The following MSN variants were observed in gnomAD, a reference collection of about 807,000 sequenced individuals.
The protein encoded by MSN is moesin.
Under a neutral mutation model 48.0 loss-of-function variants are expected in MSN, and 2 were observed. The ratio of observed to expected loss-of-function variants is 0.04; its 90% confidence interval spans 0.02 to 0.13. MSN has a LOEUF of 0.13. Ranked by LOEUF, MSN falls within the 10% of genes least tolerant of loss-of-function variation. The pLI is 1.00. For missense variants in MSN, 267 were observed against 470.1 expected (o/e 0.57, Z 3.99); for synonymous variants, 146 against 166.9 (o/e 0.87, Z 0.97).
chrX:65,636,379 A>G (rs1017974115), intron 1 of MSN, among the ~76,000 whole-genome samples: 1 of 111,520 alleles, frequency 9.0e-6, no homozygotes, highest in African/African-American at 3.3e-5. Context: ...CCAAACTGAC[A>G]TTCTTTCCTC....
chrX:65,600,045 G>T (rs1254240099), intron 1 of MSN, among the ~76,000 whole-genome samples: 1 of 109,522 alleles, frequency 9.1e-6, no homozygotes, highest in Non-Finnish European at 1.9e-5. Context: ...TGTGGTGGGG[G>T]TGGGTATAGA....
chrX:65,648,841 T>C (rs1432128914), intron 1 of MSN, among the ~76,000 whole-genome samples: 1 of 109,972 alleles, frequency 9.1e-6, no homozygotes, highest in Non-Finnish European at 1.9e-5. Flanking sequence ...CCAGCCTGGG[T>C]GACAGTGTGA....
chrX:65,646,490 G>T (rs111228381), intron 1 of MSN, among the ~76,000 whole-genome samples: 2,718 of 111,562 alleles, frequency 0.024, 93 homozygotes, highest in African/African-American at 0.084. Flanking sequence ...TGTTACAATG[G>T]CTTCCAAACT....
intron 1 of MSN, among the ~76,000 whole-genome samples, chrX:65,598,465 T>C (rs1289339692): frequency 9.1e-6 from 1 of 110,453 alleles, no homozygotes. Context: ...AGAAAAAATA[T>C]GAATGAATAT....
intron 1 of MSN, among the ~76,000 whole-genome samples, chrX:65,659,964 G>C (rs141113179): frequency 9.1e-6 from 1 of 110,155 alleles, no homozygotes; most frequent in Non-Finnish European, 1.9e-5. Context: ...GATCACAGTA[G>C]GGGGTAAGGT....
At chrX:65,615,779 C>A (rs889504967) in intron 1 of MSN, among the ~76,000 whole-genome samples, 1 of 111,161 alleles carries the variant, frequency 9.0e-6, no homozygotes, top group Non-Finnish European at 1.9e-5. Flanking sequence ...AAGTCCATGC[C>A]CATGCCTATG....
chrX:65,701,851 G>A (rs1275099983), intron 1 of MSN, among the ~76,000 whole-genome samples: 1 of 111,285 alleles, frequency 9.0e-6, no homozygotes, highest in Non-Finnish European at 1.9e-5. Flanking sequence ...ATGTGATGGT[G>A]TGTAGTGATG....
chrX:65,714,219 G>T (rs2071440709), intron 1 of MSN, among the ~76,000 whole-genome samples: 1 of 111,954 alleles, frequency 8.9e-6, no homozygotes, highest in Admixed American at 9.5e-5. Flanking sequence ...GTCTACCATT[G>T]ACTGGCATTT....
chrX:65,687,128 C>T (rs995971521), intron 1 of MSN, among the ~76,000 whole-genome samples: 2 of 111,672 alleles, frequency 1.8e-5, no homozygotes, highest in African/African-American at 3.3e-5. Flanking sequence ...GGGTGGATCA[C>T]GAGGTCAGGA....
chrX:65,648,907 T>A (rs1414296641), intron 1 of MSN, among the ~76,000 whole-genome samples: 11 of 107,633 alleles, frequency 1.0e-4, no homozygotes, highest in Non-Finnish European at 1.7e-4. Context: ...ATAAATAAAA[T>A]AAAATAAAAT....
intron 1 of MSN, among the ~76,000 whole-genome samples, chrX:65,618,240 G>C: frequency 9.0e-6 from 1 of 111,490 alleles, no homozygotes; most frequent in Non-Finnish European, 1.9e-5. Flanking sequence ...GTGCAGAGCT[G>C]AGTTCAATTC....
chrX:65,732,780 A>C (rs1163374709), intron 6 of MSN, among the ~76,000 whole-genome samples: 1 of 112,513 alleles, frequency 8.9e-6, no homozygotes, highest in Non-Finnish European at 1.9e-5. Context: ...AAACAAATAC[A>C]TAACAAAACA....
chrX:65,695,268 A>C (rs1336170301), intron 1 of MSN, among the ~76,000 whole-genome samples: 3 of 110,747 alleles, frequency 2.7e-5, no homozygotes, highest in Non-Finnish European at 3.8e-5. Flanking sequence ...TGGGAGGCTG[A>C]GGTGGGTGGA....
At chrX:65,641,568 A>G (rs1324369323) in intron 1 of MSN, among the ~76,000 whole-genome samples, 5 of 58,981 alleles carry the variant, frequency 8.5e-5, no homozygotes, top group Non-Finnish European at 1.5e-4. Flanking sequence ...ATATATATAT[A>G]TATATATATA....
chrX:65,677,749 C>G (rs997025093), intron 1 of MSN, among the ~76,000 whole-genome samples: 4 of 108,089 alleles, frequency 3.7e-5, no homozygotes, highest in African/African-American at 1.4e-4. Context: ...CAAAGCAAGA[C>G]TCTGTCTAAA....
chrX:65,609,465 T>C (rs1205719323), intron 1 of MSN, among the ~76,000 whole-genome samples: 2 of 111,101 alleles, frequency 1.8e-5, no homozygotes, highest in African/African-American at 3.3e-5. Flanking sequence ...ATGAACTTGA[T>C]CACATATAAA....
At chrX:65,647,212 CTTTT>C (rs764965063) in intron 1 of MSN, among the ~76,000 whole-genome samples, 3 of 96,575 alleles carry the variant, frequency 3.1e-5, no homozygotes, top group Admixed American at 1.2e-4. Context: ...TGCTCTATCT[CTTTT>C]TTTTTTTTTT....
intron 1 of MSN, among the ~76,000 whole-genome samples, chrX:65,637,519 TTC>T (rs1275943007): frequency 9.0e-6 from 1 of 111,023 alleles, no homozygotes; most frequent in Non-Finnish European, 1.9e-5. Flanking sequence ...TCTCCTACTA[TTC>T]TCTGTCCCCA....
Position 65,739,740 on chromosome X carries a change from G to A in MSN, c.1581G>A (p.Ser527=), listed in dbSNP as rs147556779. The A allele has an allele frequency of 1.9e-4, 235 of 1,207,016 alleles. No homozygotes were observed. The African/African-American group carries it at 4.0e-3, about 20-fold the overall frequency. ...ATACATCCTCACAGGCCCTCACTTC[G>A]GAGCTGGCCAATGCCAGAGATGAGT... ...RVQKHLKALT[S]ELANARDESK... Residue 527 remains serine, a synonymous_variant, in exon 13 of 13, where the codon TCG becomes TCA. Transcript: ENST00000360270.
Sources: gnomAD v4.1 joint callset for allele counts (sites outside exome capture counted in the v4.1 genomes callset) on GRCh38, gnomAD v4.1.1 for gene constraint, MANE v1.5 for transcripts, NCBI Gene and HGNC (gene_info 2026-07-23, HGNC 2026-07-21) for gene names.